The following GLIS3 variants were observed in gnomAD, a reference collection of about 807,000 sequenced individuals.
GLIS3 encodes the protein zinc finger protein GLIS3.
In GLIS3, 53 loss-of-function variants were observed where a neutral mutation model predicts 78.6. That is an observed-to-expected ratio of 0.67 (90% confidence interval 0.54 to 0.85). The LOEUF (loss-of-function observed/expected upper bound fraction) is 0.85. Among genes scored for constraint, GLIS3 ranks in the 40% least tolerant of loss-of-function variants. The probability of loss-of-function intolerance (pLI) is 0.00; values close to 1 mark genes in which losing one functional copy is unlikely to be tolerated. For missense variants in GLIS3, 1,703 were observed against 1,231.1 expected, an observed-to-expected ratio of 1.38 and a Z score of -5.74; for synonymous variants, 684 against 509.9, an observed-to-expected ratio of 1.34 and a Z score of -4.60.
At chr9:4,071,003 T>G (rs771649426) in intron 4 of GLIS3, 1 of 152,206 alleles carries the variant, frequency 6.6e-6, no homozygotes, top group Admixed American at 6.6e-5. Context: ...ACCACTGAAG[T>G]CTTTTTTCTT....
At chr9:4,075,982 C>A (rs151140209) in intron 4 of GLIS3, among the ~76,000 whole-genome samples, 1 of 152,282 alleles carries the variant, frequency 6.6e-6, no homozygotes, top group East Asian at 1.9e-4. Flanking sequence ...TGCAAAGGAA[C>A]ACCTCACGAA....
At chr9:3,974,817 G>T (rs1818644285) in intron 4 of GLIS3, among the ~76,000 whole-genome samples, 1 of 152,070 alleles carries the variant, frequency 6.6e-6, no homozygotes, top group African/African-American at 2.4e-5. Context: ...GTTCGCTCAG[G>T]CAATTTCATT....
chr9:4,176,161 T>C (rs1490438847), intron 2 of GLIS3, among the ~76,000 whole-genome samples: 1 of 152,116 alleles, frequency 6.6e-6, no homozygotes, highest in Non-Finnish European at 1.5e-5. Flanking sequence ...AGAATCAAGA[T>C]CTGGTGGCAC....
intron 2 of GLIS3, among the ~76,000 whole-genome samples, chr9:4,145,483 T>G (rs1834150635): frequency 6.6e-6 from 1 of 152,088 alleles, no homozygotes; most frequent in South Asian, 2.1e-4. Flanking sequence ...TGGAACAACA[T>G]GATCTAAAAC....
rs1389533963 is a variant in GLIS3, at chr9:3,841,075, C to A, written c.2474-11583G>T. On this transcript the variant is annotated intron_variant, in intron 9 of 10. Transcript: ENST00000381971. ...CAATAGGGAAATAGGGGGGAAAAAA[C>A]CGAGTGAGAAGGCAGCATGCTTAAA... is the stretch of plus-strand genomic sequence containing the variant. 3.9e-5 allele frequency among the ~76,000 whole-genome samples: 6 copies of A among 152,240 alleles called. No individual in the cohort carries two copies. In the East Asian group the frequency reaches 1.2e-3, roughly 29 times the overall value.
chr9:4,217,995 C>T (rs77047109), intron 2 of GLIS3, among the ~76,000 whole-genome samples: 9 of 152,186 alleles, frequency 5.9e-5, no homozygotes, highest in Non-Finnish European at 1.0e-4. Context: ...TTCCTTCTCC[C>T]TCCACTCACA....
chr9:3,829,117 A>G (rs904057245), intron 10 of GLIS3, among the ~76,000 whole-genome samples, 193 bp downstream of exon 10: 6 of 152,062 alleles, frequency 3.9e-5, no homozygotes, highest in Non-Finnish European at 8.8e-5. Flanking sequence ...CTCCTGCACC[A>G]GGGTGGTGGA....
chr9:4,236,196 A>AT lies in GLIS3; in HGVS notation c.388+49841_388+49842insA, dbSNP rs1453344086. On this transcript the variant is annotated intron_variant, in intron 2 of 10. Transcript: ENST00000381971. ...GACGTGGTTGTCACAAAAAAAAAAA[A>AT]AAAAAAAAAAAGAAAGAAAGAAAGA... Among the ~76,000 whole-genome samples the AT allele has an allele frequency of 2.0e-3, 294 of 147,266 alleles. 1 individual carries two copies. Among genetic ancestry groups the AT allele is most frequent in the African/African-American group, 6.9e-3 (277 of 40,226 alleles).
intron 2 of GLIS3, among the ~76,000 whole-genome samples, chr9:4,206,827 T>G (rs932876545): frequency 1.3e-5 from 2 of 152,360 alleles, no homozygotes; most frequent in South Asian, 4.1e-4. Flanking sequence ...CTGTCAAATC[T>G]GAGTACAACT....
intron 3 of GLIS3, among the ~76,000 whole-genome samples, chr9:4,120,562 T>C (rs1832098134): frequency 6.6e-6 from 1 of 152,156 alleles, no homozygotes; most frequent in East Asian, 1.9e-4. Context: ...AGGCTCCTGG[T>C]GATTGGATGT....
At chr9:4,174,289 A>T (rs1346535198) in intron 2 of GLIS3, among the ~76,000 whole-genome samples, 1 of 152,238 alleles carries the variant, frequency 6.6e-6, no homozygotes, top group African/African-American at 2.4e-5. Flanking sequence ...CCTACTTAAA[A>T]CATAACCTGT....
chr9:4,091,699 A>T (rs1287769966), intron 4 of GLIS3, among the ~76,000 whole-genome samples: 3 of 152,086 alleles, frequency 2.0e-5, no homozygotes, highest in Non-Finnish European at 4.4e-5. Flanking sequence ...TCCTGCCACC[A>T]TGTGAAGGAG....
chr9:4,358,439 T>C, the GLIS3 span, among the ~76,000 whole-genome samples: 1 of 152,322 alleles, frequency 6.6e-6, no homozygotes, highest in Admixed American at 6.5e-5. Context: ...TGAAATTTTC[T>C]CATTTCATGG....
the GLIS3 span, among the ~76,000 whole-genome samples, chr9:4,397,201 AT>A: frequency 4.3e-5 from 6 of 139,710 alleles, 1 homozygote; most frequent in South Asian, 6.9e-4. Flanking sequence ...AATTTTTTGT[AT>A]TTTTAGTAGA....
At chr9:4,380,529 T>C in the GLIS3 span, among the ~76,000 whole-genome samples, 2 of 152,204 alleles carry the variant, frequency 1.3e-5, no homozygotes, top group African/African-American at 2.4e-5. Context: ...TCTCACACTT[T>C]TGCATAATCA....
intron 2 of GLIS3, among the ~76,000 whole-genome samples, chr9:4,164,904 G>C (rs1356888524): frequency 6.6e-6 from 1 of 152,182 alleles, no homozygotes; most frequent in African/African-American, 2.4e-5. Flanking sequence ...AAAGATAGCA[G>C]AGCAGCTGGA....
chr9:3,983,868 C>A (rs535124368), intron 4 of GLIS3, among the ~76,000 whole-genome samples: 2 of 152,190 alleles, frequency 1.3e-5, no homozygotes, highest in Non-Finnish European at 1.5e-5. Context: ...CCTGAAAATG[C>A]GATAGAAAAG....
the GLIS3 span, among the ~76,000 whole-genome samples, chr9:4,396,823 G>T: frequency 6.6e-6 from 1 of 152,166 alleles, no homozygotes; most frequent in South Asian, 2.1e-4. Flanking sequence ...AGTCCATTGA[G>T]TTACGGGCTT....
intron 2 of GLIS3, among the ~76,000 whole-genome samples, chr9:4,129,719 G>C (rs10974340): frequency 0.36 from 55,250 of 151,966 alleles, 10,427 homozygotes; most frequent in Non-Finnish European, 0.4. Context: ...CCAGGCTCGG[G>C]TATTTCTTTA....
Sources: allele counts gnomAD v4.1 joint callset (sites outside exome capture counted in the v4.1 genomes callset), GRCh38; gene constraint gnomAD v4.1.1; transcripts MANE v1.5; gene names NCBI Gene and HGNC (gene_info 2026-07-23, HGNC 2026-07-21).